NRG2: variants seen among roughly 807,000 people sequenced by gnomAD.
NRG2 encodes the protein neuregulin 2.
A neutral mutation model predicts 73.9 loss-of-function variants in NRG2; 27 were observed. The ratio of observed to expected loss-of-function variants is 0.37; its 90% confidence interval spans 0.27 to 0.50. The LOEUF is 0.50. Ranked by LOEUF, NRG2 falls within the 20% of genes least tolerant of loss-of-function variation. The pLI is 0.96. For synonymous variants in NRG2, 532 were observed against 541.0 expected (o/e 0.98, Z 0.23); for missense variants, 1,126 against 1,210.1 (o/e 0.93, Z 1.03).
intron 1 of NRG2, among the ~76,000 whole-genome samples, chr5:139,893,822 A>G (rs1266461457): frequency 6.6e-6 from 1 of 152,192 alleles, no homozygotes; most frequent in Non-Finnish European, 1.5e-5. Flanking sequence ...CCAGGCCTCC[A>G]CAAAAAGATT....
chr5:140,020,000 G>A (rs557237168), intron 1 of NRG2, among the ~76,000 whole-genome samples: 2 of 152,168 alleles, frequency 1.3e-5, no homozygotes, highest in South Asian at 2.1e-4. Context: ...ATGTCCATCC[G>A]CCTCAGCCTC....
chr5:139,926,595 A>T (rs1451429858), intron 1 of NRG2, among the ~76,000 whole-genome samples: 1 of 152,114 alleles, frequency 6.6e-6, no homozygotes, highest in Non-Finnish European at 1.5e-5. Context: ...GCCCCTGTGC[A>T]TAGACCTCTG....
At chr5:139,967,664 G>A (rs571371594) in intron 1 of NRG2, among the ~76,000 whole-genome samples, 64 of 152,284 alleles carry the variant, frequency 4.2e-4, no homozygotes, top group Non-Finnish European at 7.9e-4. Flanking sequence ...CTTGGGTCTT[G>A]ATTTTCTTAC....
Position 139,869,240 on chromosome 5 carries a change from CACA to C in NRG2, c.1112+2478_1112+2480del, listed in dbSNP as rs1292811503. Among the ~76,000 whole-genome samples the C allele has an allele frequency of 6.6e-6, 1 of 152,030 alleles. No individual in the cohort carries two copies. Among genetic ancestry groups the C allele is most frequent in the Non-Finnish European group, 1.5e-5 (1 of 68,016 alleles). On this transcript the variant is annotated intron_variant, in intron 4 of 9. Coordinates refer to ENST00000361474, the MANE Select transcript of NRG2 (RefSeq NM_004883.3). The surrounding 1 kb of genome is among the most constrained non-coding windows in gnomAD (Gnocchi z 4.5). Reference sequence around the variant, plus strand: ...CTCCCTGCAGGGCTCTGAACCAATACACAACAACAAGTGTAAGAAAACCAGGAA... The same window carrying C: ...CTCCCTGCAGGGCTCTGAACCAATACACAACAAGTGTAAGAAAACCAGGAA...
At chr5:140,007,295 C>T (rs918011064) in intron 1 of NRG2, among the ~76,000 whole-genome samples, 6 of 152,056 alleles carry the variant, frequency 3.9e-5, no homozygotes, top group Non-Finnish European at 7.4e-5. Context: ...ACATCCTGTG[C>T]GAGCTGTAGT....
chr5:140,022,847 T>C (rs1421161465), intron 1 of NRG2, among the ~76,000 whole-genome samples: 1 of 152,242 alleles, frequency 6.6e-6, no homozygotes, highest in Admixed American at 6.5e-5. Flanking sequence ...CTTCTTAAAA[T>C]TGCTTTTCCT....
At position 139,865,205 on chromosome 5, in the gene NRG2, GC is replaced by G; in HGVS notation, c.1189+343del. ...AAAGAAAGAAAACCAGAAAGAGAGAGCCAGGATAGCAAGACACAGGCATTGC... is the reference window on the plus strand; with the variant it reads ...AAAGAAAGAAAACCAGAAAGAGAGAGCAGGATAGCAAGACACAGGCATTGC... On this transcript the variant is annotated intron_variant, in intron 5 of 9. Transcript: ENST00000361474. The surrounding 1 kb of genome is among the most constrained non-coding windows in gnomAD (Gnocchi z 5.2). The G allele has an allele frequency of 6.3e-7, 1 of 1,585,298 alleles. No individual in the cohort carries two copies. Among genetic ancestry groups the G allele is most frequent in the Non-Finnish European group, 8.7e-7 (1 of 1,154,046 alleles).
chr5:139,953,426 A>G (rs1754378508), intron 1 of NRG2, among the ~76,000 whole-genome samples: 1 of 152,150 alleles, frequency 6.6e-6, no homozygotes, highest in Non-Finnish European at 1.5e-5. Context: ...GGAAGGCACT[A>G]GAATATCTAT....
At chr5:139,896,054 G>T (rs1725389091) in intron 1 of NRG2, among the ~76,000 whole-genome samples, 1 of 152,170 alleles carries the variant, frequency 6.6e-6, no homozygotes, top group African/African-American at 2.4e-5. Flanking sequence ...TGTTTCTGAA[G>T]CTCTGAGTCT....
intron 1 of NRG2, among the ~76,000 whole-genome samples, chr5:139,950,010 C>T (rs1428334511): frequency 6.6e-6 from 1 of 152,148 alleles, no homozygotes; most frequent in Non-Finnish European, 1.5e-5. Context: ...GTGACAAAGA[C>T]ACAAGGGAAA....
chr5:139,848,315 A>G lies in NRG2; in HGVS notation c.2155T>C (p.Cys719Arg). The change falls in exon 10 of 10, where the codon TGC (cysteine) becomes CGC (arginine). Residue 719 changes from cysteine (C) to arginine (R), a missense_variant. By Grantham distance (180) the Cys-to-Arg change is radical. Around this residue, in one of 3 missense-constraint regions of NRG2, gnomAD observed 402 missense variants for 357.8 expected, o/e 1.12. Transcript: ENST00000361474. ...GGCCGCGGCGGCGGCGGGGGCGCGC[A>G]CTCCTGCGTGGTCTCGTACTCGTCG... ...EDDEYETTQE[C>R]APPPPPRPRA... The G allele has an allele frequency of 8.4e-7, 1 of 1,183,438 alleles. No individual in the cohort carries two copies. The highest frequency in any genetic ancestry group is 1.0e-6 in the Non-Finnish European group (1 of 958,206). 73.3% of individuals were successfully genotyped at this position (1,183,438 alleles called of 1,614,324 possible). A position where few individuals can be genotyped will look rare whatever the true frequency, so the allele number is the denominator to read the frequency against.
At position 139,904,341 on chromosome 5, in the gene NRG2, C is replaced by T. The variant is rs767295302; in HGVS notation, c.701-16830G>A. On this transcript the variant is annotated intron_variant, in intron 1 of 9. Transcript: ENST00000361474. The surrounding 1 kb of genome is among the most constrained non-coding windows in gnomAD (Gnocchi z 6.0). ...CGGGATCGGGCTCCCTCTCCCGCTT[C>T]CTCCCCTCTGGGTGCTTCTTGCCGC... is the stretch of plus-strand genomic sequence containing the variant. 1 of 1,592,984 alleles carries T rather than the reference C, an allele frequency of 6.3e-7. No individual in the cohort carries two copies. The highest frequency in any genetic ancestry group is 1.3e-5 in the African/African-American group (1 of 74,346).
chr5:139,921,586 C>T (rs568783605), intron 1 of NRG2, among the ~76,000 whole-genome samples: 11 of 152,182 alleles, frequency 7.2e-5, no homozygotes, highest in Admixed American at 3.3e-4. Context: ...ACAGGCATTT[C>T]ACCACTCACA....
chr5:139,969,119 C>T (rs1755795749), intron 1 of NRG2, among the ~76,000 whole-genome samples: 1 of 152,256 alleles, frequency 6.6e-6, no homozygotes, highest in South Asian at 2.1e-4. Context: ...CCATATTCTT[C>T]TGACCCAAGA....
chr5:139,879,654 G>A (rs1763401998), intron 3 of NRG2, among the ~76,000 whole-genome samples: 1 of 152,176 alleles, frequency 6.6e-6, no homozygotes, highest in Non-Finnish European at 1.5e-5. Flanking sequence ...GTTCTATGGG[G>A]TGGGGAACAT....
intron 1 of NRG2, among the ~76,000 whole-genome samples, chr5:139,910,638 G>C (rs1399283460): frequency 6.6e-6 from 1 of 152,160 alleles, no homozygotes; most frequent in South Asian, 2.1e-4. Context: ...CTTATGTTCG[G>C]AGGCCCTTTC....
At chr5:139,888,572 C>CA (rs1254904331) in intron 1 of NRG2, among the ~76,000 whole-genome samples, 2 of 152,142 alleles carry the variant, frequency 1.3e-5, no homozygotes, top group African/African-American at 2.4e-5. Flanking sequence ...CCTAGCAACT[C>CA]AGAGTGCTGA....
intron 1 of NRG2, among the ~76,000 whole-genome samples, chr5:139,955,205 A>G (rs1470082682): frequency 6.6e-6 from 1 of 152,108 alleles, no homozygotes; most frequent in African/African-American, 2.4e-5. Context: ...GTACACTTCA[A>G]CGCCATCAAG....
Position 139,871,828 on chromosome 5 carries a change from C to G in NRG2, c.1005G>C (p.Leu335=), listed in dbSNP as rs1161665231. ...TCCGGGCGTGCCCCGACCAGGATGA[C>G]AGGGTGGTGCTCACTGAGGGTATGA... ...RLYVNSVSTT[L]SSWSGHARKC... The change falls in exon 4 of 10, where the codon CTG becomes CTC. Residue 335 remains leucine, a synonymous_variant. Coordinates refer to ENST00000361474, the MANE Select transcript of NRG2 (RefSeq NM_004883.3). 6.2e-7 allele frequency: 1 copy of G among 1,613,914 alleles called. No homozygotes were observed. The highest frequency in any genetic ancestry group is 1.3e-5 in the African/African-American group (1 of 74,916).
Sources: gnomAD v4.1 joint callset for allele counts (sites outside exome capture counted in the v4.1 genomes callset) on GRCh38, gnomAD v4.1.1 for gene constraint, gnomAD v4.1.1 regional missense constraint, Gnocchi (gnomAD v3.1) non-coding constraint, MANE v1.5 for transcripts, NCBI Gene and HGNC (gene_info 2026-07-23, HGNC 2026-07-21) for gene names.